Variants in TENM3 observed in about 807,000 individuals in gnomAD.
TENM3 encodes teneurin-3.
Under a neutral mutation model 255.1 loss-of-function variants are expected in TENM3, and 63 were observed. The ratio of observed to expected loss-of-function variants is 0.25; its 90% CI spans 0.20 to 0.30. The LOEUF is 0.30. TENM3 is among the 10% of genes least tolerant of loss of function. TENM3 has a pLI of 1.00. For missense variants in TENM3, 2,929 were observed against 3,461.1 expected (o/e 0.85, Z 3.86); for synonymous variants, 1,306 against 1,322.3 (o/e 0.99, Z 0.27).
chr4:181,774,003 GTTTTTTT>G, the TENM3 span, among the ~76,000 whole-genome samples: 4 of 90,064 alleles, frequency 4.4e-5, no homozygotes, highest in Admixed American at 2.4e-4. Context: ...TGGTGGCTGT[GTTTTTTT>G]TTTTTTTTTT....
chr4:182,155,919 C>A (rs1417170885), intron 1 of TENM3, among the ~76,000 whole-genome samples: 1 of 152,024 alleles, frequency 6.6e-6, no homozygotes, highest in African/African-American at 2.4e-5. Flanking sequence ...CATCTTTCAT[C>A]AGCTCTGTAG....
Position 182,603,784 on chromosome 4 carries a change from T to TATACAC in TENM3, c.749+2624_749+2625insTACACA, listed in dbSNP as rs58332965. Among the ~76,000 whole-genome samples the TATACAC allele has an allele frequency of 3.0e-5, 4 of 134,208 alleles. No homozygotes were observed. The East Asian group carries it at 7.0e-4, about 23-fold the overall frequency. The allele number at this position is 134,208 out of a possible 152,430, so 88.0% of individuals were successfully genotyped here. On this transcript the variant is annotated intron_variant, in intron 4 of 27. Coordinates refer to ENST00000511685, the MANE Select transcript of TENM3 (RefSeq NM_001080477.4). Reference sequence around the variant, plus strand: ...AATTATTTATATATATATATATATATACACACACACACCGATTTTGCTAAT... The same window carrying TATACAC: ...AATTATTTATATATATATATATATATATACACACACACACACACCGATTTTGCTAAT...
At chr4:181,934,038 A>T in the TENM3 span, among the ~76,000 whole-genome samples, 1 of 147,742 alleles carries the variant, frequency 6.8e-6, no homozygotes, top group Non-Finnish European at 1.5e-5. Context: ...CTATAGTAAA[A>T]TTCCCCTTTC....
At chr4:182,532,908 T>G (rs1308679691) in intron 3 of TENM3, among the ~76,000 whole-genome samples, 3 of 152,236 alleles carry the variant, frequency 2.0e-5, no homozygotes, top group Admixed American at 6.5e-5. Flanking sequence ...AAAGTATCGG[T>G]ACTCACTATA....
the TENM3 span, among the ~76,000 whole-genome samples, chr4:181,957,891 G>A: frequency 3.3e-5 from 5 of 152,158 alleles, no homozygotes; most frequent in African/African-American, 1.2e-4. Flanking sequence ...ACCCAACTGG[G>A]ATTATAGTTT....
At chr4:182,739,824 T>G (rs1398084455) in intron 18 of TENM3, among the ~76,000 whole-genome samples, 1 of 152,164 alleles carries the variant, frequency 6.6e-6, no homozygotes, top group Non-Finnish European at 1.5e-5. Context: ...TCACTTGACG[T>G]CAGGAGTTTG....
At chr4:182,354,189 T>C (rs1765372474) in intron 3 of TENM3, among the ~76,000 whole-genome samples, 1 of 152,206 alleles carries the variant, frequency 6.6e-6, no homozygotes, top group Non-Finnish European at 1.5e-5. Context: ...ATTTGTGTTC[T>C]AAGTGTTTTT....
At chr4:182,680,444 G>GA (rs372583256) in intron 9 of TENM3, 95 bp downstream of exon 9, 8 of 1,413,718 alleles carry the variant, frequency 5.7e-6, no homozygotes, top group Middle Eastern at 1.8e-4. Flanking sequence ...GAAAGGGGGG[G>GA]GGAGACTGGC....
At chr4:182,244,062 T>C (rs1757481370) in intron 1 of TENM3, among the ~76,000 whole-genome samples, 1 of 147,230 alleles carries the variant, frequency 6.8e-6, no homozygotes. Flanking sequence ...CACGCCATTC[T>C]CCTGCCTCAG....
chr4:182,293,476 C>G (rs1312170525), intron 1 of TENM3, among the ~76,000 whole-genome samples: 1 of 152,202 alleles, frequency 6.6e-6, no homozygotes, highest in African/African-American at 2.4e-5. Flanking sequence ...TCCTCTTTCT[C>G]TTTCTCCTGC....
At chr4:181,810,151 A>T in the TENM3 span, among the ~76,000 whole-genome samples, 1 of 152,326 alleles carries the variant, frequency 6.6e-6, no homozygotes, top group African/African-American at 2.4e-5. Flanking sequence ...GGGATCCAGG[A>T]CTGTGCACTG....
the TENM3 span, among the ~76,000 whole-genome samples, chr4:181,641,779 C>G: frequency 9.6e-6 from 1 of 104,358 alleles, no homozygotes; most frequent in Non-Finnish European, 1.8e-5. Flanking sequence ...TATACATACA[C>G]ACACCATATA....
At chr4:182,154,493 T>C (rs1371123165) in intron 1 of TENM3, among the ~76,000 whole-genome samples, 1 of 152,204 alleles carries the variant, frequency 6.6e-6, no homozygotes, top group Non-Finnish European at 1.5e-5. Flanking sequence ...AATTTTAGTC[T>C]AAATATATGT....
At chr4:182,195,982 T>G (rs1036688102) in intron 1 of TENM3, among the ~76,000 whole-genome samples, 2 of 152,126 alleles carry the variant, frequency 1.3e-5, no homozygotes, top group African/African-American at 4.8e-5. Context: ...TCTGGCAACT[T>G]CTTTTCAGGG....
At chr4:181,776,656 AT>A in the TENM3 span, among the ~76,000 whole-genome samples, 7 of 152,082 alleles carry the variant, frequency 4.6e-5, no homozygotes, top group African/African-American at 1.7e-4. Flanking sequence ...TTTGATTTGC[AT>A]TTCTCTGATG....
the TENM3 span, among the ~76,000 whole-genome samples, chr4:181,677,230 T>A: frequency 6.6e-6 from 1 of 152,118 alleles, no homozygotes; most frequent in African/African-American, 2.4e-5. Context: ...TTCTCACTCA[T>A]GTATGCAAGT....
At chr4:181,784,018 G>A in the TENM3 span, among the ~76,000 whole-genome samples, 3 of 152,140 alleles carry the variant, frequency 2.0e-5, no homozygotes, top group South Asian at 4.1e-4. Flanking sequence ...GTGATTTTAC[G>A]TACTATGTTT....
At chr4:182,287,980 CAGGCTGGA>C (rs1428857596) in intron 1 of TENM3, among the ~76,000 whole-genome samples, 3 of 151,894 alleles carry the variant, frequency 2.0e-5, no homozygotes, top group African/African-American at 7.3e-5. Context: ...TCTTGTTACC[CAGGCTGGA>C]GTGCAATGGC....
At chr4:182,382,749 C>T (rs1047008532) in intron 3 of TENM3, among the ~76,000 whole-genome samples, 1 of 152,140 alleles carries the variant, frequency 6.6e-6, no homozygotes, top group Admixed American at 6.5e-5. Flanking sequence ...AAGCCATAGG[C>T]CCCAAATTCC....
Sources: gnomAD v4.1 joint callset for allele counts (sites outside exome capture counted in the v4.1 genomes callset) on GRCh38, gnomAD v4.1.1 for gene constraint, MANE v1.5 for transcripts, NCBI Gene and HGNC (gene_info 2026-07-23, HGNC 2026-07-21) for gene names.